CCDC192: variants seen among roughly 807,000 people sequenced by gnomAD.
The protein encoded by CCDC192 is coiled-coil domain containing 192.
At chr5:127,797,775 A>ATATATT (rs1757259786) in intron 4 of CCDC192, among the ~76,000 whole-genome samples, 4 of 127,460 alleles carry the variant, frequency 3.1e-5, no homozygotes, top group South Asian at 2.4e-4. Flanking sequence ...ATATATATAT[A>ATATATT]TATTTATTTA....
intron 6 of CCDC192, among the ~76,000 whole-genome samples, chr5:127,876,337 G>C (rs554810745): frequency 2.6e-5 from 4 of 152,252 alleles, no homozygotes; most frequent in Admixed American, 6.5e-5. Flanking sequence ...CAGGTATTTT[G>C]CTAAGCATTC....
intron 2 of CCDC192, among the ~76,000 whole-genome samples, chr5:127,733,797 CT>C (rs1752785637): frequency 1.3e-5 from 2 of 150,474 alleles, no homozygotes; most frequent in African/African-American, 4.9e-5. Flanking sequence ...AGATTCCACG[CT>C]GTTTGGCACC....
intron 2 of CCDC192, among the ~76,000 whole-genome samples, chr5:127,723,444 C>G (rs573167628): frequency 6.6e-4 from 101 of 152,200 alleles, no homozygotes; most frequent in Non-Finnish European, 1.2e-3. Context: ...TCTGGATGCT[C>G]TCTATTTTAT....
At chr5:127,791,152 T>C (rs1310224127) in intron 3 of CCDC192, among the ~76,000 whole-genome samples, 1 of 152,182 alleles carries the variant, frequency 6.6e-6, no homozygotes, top group African/African-American at 2.4e-5. Flanking sequence ...ATGGACAACA[T>C]TCATCTGAAA....
At chr5:127,732,432 T>C (rs1752694519) in intron 2 of CCDC192, among the ~76,000 whole-genome samples, 1 of 152,208 alleles carries the variant, frequency 6.6e-6, no homozygotes. Flanking sequence ...GAAGACAGTG[T>C]GGCAACTCCT....
At chr5:127,799,718 T>G (rs1580678905) in intron 5 of CCDC192, among the ~76,000 whole-genome samples, 3 of 152,178 alleles carry the variant, frequency 2.0e-5, no homozygotes, top group Admixed American at 6.5e-5. Flanking sequence ...CTAGTTACTA[T>G]GGATGCTATT....
chr5:127,846,359 T>C (rs1044788028), intron 5 of CCDC192, among the ~76,000 whole-genome samples: 8 of 152,074 alleles, frequency 5.3e-5, no homozygotes, highest in African/African-American at 1.9e-4. Context: ...CTTGACCTCT[T>C]ACAGGCATCT....
At chr5:127,866,748 C>T (rs1046009204) in intron 5 of CCDC192, among the ~76,000 whole-genome samples, 2 of 152,014 alleles carry the variant, frequency 1.3e-5, no homozygotes, top group African/African-American at 2.4e-5. Context: ...TATGAGATCA[C>T]GTCCATTTCA....
chr5:127,921,898 G>A (rs1229397375), intron 6 of CCDC192, among the ~76,000 whole-genome samples: 1 of 152,164 alleles, frequency 6.6e-6, no homozygotes, highest in Non-Finnish European at 1.5e-5. Flanking sequence ...TGGTAGCCAT[G>A]CTGGAAATGC....
intron 6 of CCDC192, among the ~76,000 whole-genome samples, chr5:127,921,195 G>A (rs1330762681): frequency 1.3e-5 from 2 of 149,232 alleles, no homozygotes; most frequent in Non-Finnish European, 3.0e-5. Flanking sequence ...AGGAAAGAGA[G>A]AGAGAAAGAA....
chr5:127,714,322 T>C (rs1751500883), intron 2 of CCDC192, among the ~76,000 whole-genome samples: 3 of 152,218 alleles, frequency 2.0e-5, no homozygotes, highest in Non-Finnish European at 4.4e-5. Flanking sequence ...GATATCTCTT[T>C]GACATACTAA....
At chr5:127,711,471 G>A (rs1253956062) in intron 2 of CCDC192, among the ~76,000 whole-genome samples, 1 of 152,068 alleles carries the variant, frequency 6.6e-6, no homozygotes, top group Non-Finnish European at 1.5e-5. Flanking sequence ...TTGATAAGTT[G>A]GGGAAAGCAA....
chr5:127,931,433 C>A (rs553066188), intron 6 of CCDC192, among the ~76,000 whole-genome samples: 2 of 152,272 alleles, frequency 1.3e-5, no homozygotes, highest in Non-Finnish European at 2.9e-5. Flanking sequence ...TGCATTCAAT[C>A]AGCTAGTAAC....
intron 6 of CCDC192, among the ~76,000 whole-genome samples, chr5:127,903,290 T>C (rs1753098927): frequency 6.6e-6 from 1 of 151,962 alleles, no homozygotes; most frequent in East Asian, 1.9e-4. Flanking sequence ...TCGCCCAGGC[T>C]GGAGTGCAAT....
chr5:127,917,896 T>C (rs1314560294), intron 6 of CCDC192, among the ~76,000 whole-genome samples: 1 of 152,014 alleles, frequency 6.6e-6, no homozygotes, highest in East Asian at 1.9e-4. Context: ...TCCCAGCACT[T>C]TGGGAGGCTT....
At chr5:127,846,081 G>A (rs1215882955) in intron 5 of CCDC192, among the ~76,000 whole-genome samples, 1 of 152,084 alleles carries the variant, frequency 6.6e-6, no homozygotes, top group Non-Finnish European at 1.5e-5. Flanking sequence ...ATGAGGTCAG[G>A]AGTTCGAGAC....
At chr5:127,784,252 A>T (rs549505663) in intron 3 of CCDC192, among the ~76,000 whole-genome samples, 1 of 152,234 alleles carries the variant, frequency 6.6e-6, no homozygotes, top group Non-Finnish European at 1.5e-5. Context: ...ACATGGGTCC[A>T]TTCAGACTTG....
intron 5 of CCDC192, among the ~76,000 whole-genome samples, chr5:127,828,010 G>A (rs1450066243): frequency 1.3e-5 from 2 of 152,066 alleles, no homozygotes; most frequent in African/African-American, 2.4e-5. Flanking sequence ...AGGTTCAAGC[G>A]ATTCTCCTGC....
chr5:127,752,257 G>A (rs542258655), intron 2 of CCDC192, among the ~76,000 whole-genome samples: 1 of 152,192 alleles, frequency 6.6e-6, no homozygotes, highest in South Asian at 2.1e-4. Flanking sequence ...TCTACTTTTG[G>A]TCTTTGATGA....
Sources: gnomAD v4.1 joint callset for allele counts (sites outside exome capture counted in the v4.1 genomes callset) on GRCh38, gnomAD v4.1.1 for gene constraint, MANE v1.5 for transcripts, NCBI Gene and HGNC (gene_info 2026-07-23, HGNC 2026-07-21) for gene names.